Variants in COBLL1 observed in about 807,000 individuals in gnomAD.
COBLL1 encodes the protein cordon-bleu protein-like 1.
In COBLL1, 50 loss-of-function variants were observed where a neutral mutation model predicts 94.8. The observed-to-expected ratio is 0.53, with a 90% CI of 0.42 to 0.67. The LOEUF is 0.67. COBLL1 is among the 30% of genes least tolerant of loss of function. COBLL1 has a pLI of 0.00. For synonymous variants in COBLL1, 448 were observed against 473.8 expected (o/e 0.95, Z 0.71); for missense variants, 1,362 against 1,348.7 (o/e 1.01, Z -0.15).
In COBLL1 at chr2:164,811,829, T is replaced by G. The variant is rs1271299066; in HGVS notation, c.41+29327A>C. Reference sequence around the variant, plus strand: ...CAAAAAAGAAAAAAAAGTTTTTATATTCTCCAAATTGAACGCTAGAAGCAT... The same window carrying G: ...CAAAAAAGAAAAAAAAGTTTTTATAGTCTCCAAATTGAACGCTAGAAGCAT... On this transcript the variant is annotated intron_variant, in intron 2 of 13. Coordinates refer to ENST00000652658, the MANE Select transcript of COBLL1 (RefSeq NM_001365672.2). 2.6e-5 allele frequency among the ~76,000 whole-genome samples: 4 copies of G among 152,096 alleles called. No homozygotes were observed. The East Asian group carries it at 5.8e-4, about 22-fold the overall frequency.
chr2:164,756,987 T>C (rs1306244425), intron 2 of COBLL1, among the ~76,000 whole-genome samples: 2 of 152,182 alleles, frequency 1.3e-5, no homozygotes, highest in Non-Finnish European at 2.9e-5. Flanking sequence ...ATTCATTGTC[T>C]AGCACAATGG....
chr2:164,702,672 G>A (rs974983253), intron 9 of COBLL1, among the ~76,000 whole-genome samples: 4 of 151,620 alleles, frequency 2.6e-5, no homozygotes, highest in African/African-American at 9.7e-5. Flanking sequence ...TTATTATAAG[G>A]TCTTGCTTTG....
At chr2:164,718,266 G>A (rs1240265385) in intron 7 of COBLL1, 2 of 984,302 alleles carry the variant, frequency 2.0e-6, no homozygotes, top group Admixed American at 6.2e-5. Context: ...AAAGAAAAAG[G>A]TAAAATTTAA....
At chr2:164,686,178 A>G in intron 13 of COBLL1, 146 bp from the exon 14 acceptor site, 1 of 500,804 alleles carries the variant, frequency 2.0e-6, no homozygotes, top group East Asian at 3.4e-5. Context: ...ATCAAGAATA[A>G]ATGTTCATTC....
chr2:164,703,170 G>A (rs1208006057), intron 9 of COBLL1: 2 of 1,613,968 alleles, frequency 1.2e-6, no homozygotes, highest in Middle Eastern at 1.7e-4. Context: ...TCCTCCATCA[G>A]TTTGGGCGCA....
rs754750075 is a variant in COBLL1 at position 164,694,412 on chromosome 2, T to C, written c.2980A>G (p.Lys994Glu). The C allele has an allele frequency of 1.2e-6, 2 of 1,613,826 alleles. No homozygotes were observed. The highest frequency in any genetic ancestry group is 1.3e-5 in the African/African-American group (1 of 74,888). Residue 994 changes from lysine (K) to glutamate (E), a missense_variant, in exon 12 of 14, where the codon AAA (lysine) becomes GAA (glutamate). Coordinates refer to ENST00000652658, the MANE Select transcript of COBLL1 (RefSeq NM_001365672.2). ...GPSPFALAVV[K>E]RSQSFSKERT... The stretch of plus-strand genomic sequence containing the variant: ...TCTTTACTGAAAGACTGTGACCTTT[T>C]CACTACAGCAAGAGCAAACGGTGAA...
intron 7 of COBLL1, among the ~76,000 whole-genome samples, chr2:164,707,411 G>A (rs972960754): frequency 3.9e-5 from 6 of 152,274 alleles, no homozygotes; most frequent in Non-Finnish European, 7.4e-5. Flanking sequence ...AAAGTGATGG[G>A]ATTACAGGCA....
chr2:164,777,555 T>A (rs776927891), intron 2 of COBLL1, among the ~76,000 whole-genome samples: 5 of 152,160 alleles, frequency 3.3e-5, no homozygotes, highest in Non-Finnish European at 7.3e-5. Flanking sequence ...TATACCTGAA[T>A]GTAGATAACA....
intron 2 of COBLL1, among the ~76,000 whole-genome samples, chr2:164,827,244 C>T (rs531260131): frequency 3.3e-5 from 5 of 152,218 alleles, no homozygotes; most frequent in East Asian, 3.9e-4. Context: ...CCATCATGCC[C>T]GGCCCATTTC....
At chr2:164,779,641 G>A in intron 2 of COBLL1, 1 of 470,542 alleles carries the variant, frequency 2.1e-6, no homozygotes. Flanking sequence ...CTCAGGCCCA[G>A]GCAGGACGGT....
intron 2 of COBLL1, among the ~76,000 whole-genome samples, chr2:164,825,907 TA>T (rs747231162): frequency 1.1e-4 from 17 of 152,352 alleles, no homozygotes; most frequent in Non-Finnish European, 1.9e-4. Context: ...TAAAGTATAA[TA>T]CCTCAATTTC....
intron 7 of COBLL1, among the ~76,000 whole-genome samples, chr2:164,717,547 T>A (rs764170551): frequency 1.3e-4 from 20 of 152,170 alleles, no homozygotes; most frequent in Non-Finnish European, 7.3e-5. Context: ...ATTTTTACTA[T>A]TTTAAAATTC....
intron 2 of COBLL1, among the ~76,000 whole-genome samples, chr2:164,793,112 C>G (rs1488486121): frequency 6.6e-6 from 1 of 152,202 alleles, no homozygotes; most frequent in Non-Finnish European, 1.5e-5. Context: ...TACCAAAAGG[C>G]AGAAACTTAA....
downstream of COBLL1, chr2:164,680,184 G>A (rs1041571242): frequency 2.0e-5 from 3 of 152,032 alleles, no homozygotes; most frequent in African/African-American, 7.2e-5. Context: ...ATCGGTCACT[G>A]TAACAGGAGT....
chr2:164,738,386 T>C lies in COBLL1; in HGVS notation c.230+5301A>G, dbSNP rs569075497. The stretch of plus-strand genomic sequence containing the variant: ...ACCCGACTATAAGATGAAGACCATA[T>C]ACAGATCATATACAAATGTACCCAC... On this transcript the variant is annotated intron_variant, in intron 3 of 13. Coordinates refer to ENST00000652658, the MANE Select transcript of COBLL1 (RefSeq NM_001365672.2). 25 of 152,344 alleles carry C rather than the reference T, an allele frequency of 1.6e-4. 1 individual carries two copies. In the South Asian group the frequency reaches 1.9e-3, roughly 11 times the overall value. 9.4% of individuals were successfully genotyped at this position (152,344 alleles called of 1,614,324 possible).
intron 1 of COBLL1, chr2:164,666,008 C>T (rs1445806472): frequency 6.6e-6 from 1 of 151,896 alleles, no homozygotes; most frequent in Non-Finnish European, 1.5e-5. Context: ...TTGAATGTTC[C>T]TAACAAAAAT....
chr2:164,799,186 G>A (rs1199360532), intron 2 of COBLL1, among the ~76,000 whole-genome samples: 2 of 152,158 alleles, frequency 1.3e-5, no homozygotes, highest in African/African-American at 4.8e-5. Flanking sequence ...GTATACCCCA[G>A]CTTGGACTCA....
chr2:164,707,711 T>C (rs540433126), intron 7 of COBLL1, among the ~76,000 whole-genome samples: 5 of 152,252 alleles, frequency 3.3e-5, no homozygotes, highest in African/African-American at 9.6e-5. Context: ...AAAAAATGAA[T>C]GATATGCTGC....
rs1266350827 is a variant in COBLL1 at position 164,729,994 on chromosome 2, T to C, written c.352A>G (p.Ile118Val). ...ACCTTCTCTACCTCCAACATTCCTA[T>C]TGGTGTGTTTGGCTTAAATTTAATG... The part of the protein sequence containing the change: ...NHIKFKPNTP[I>V]GMLEVEKVIL... The change falls in exon 4 of 14, where the codon ATA (isoleucine) becomes GTA (valine). Residue 118 changes from isoleucine to valine, a missense_variant. Coordinates refer to ENST00000652658, the MANE Select transcript of COBLL1 (RefSeq NM_001365672.2). 1.2e-6 allele frequency: 2 copies of C among 1,613,930 alleles called. No homozygotes were observed. The highest frequency in any genetic ancestry group is 1.3e-5 in the African/African-American group (1 of 74,914).
Sources: gnomAD v4.1 joint callset for allele counts (sites outside exome capture counted in the v4.1 genomes callset) on GRCh38, gnomAD v4.1.1 for gene constraint, MANE v1.5 for transcripts, NCBI Gene and HGNC (gene_info 2026-07-23, HGNC 2026-07-21) for gene names.